Variants in ARHGEF10L observed in about 807,000 individuals in gnomAD.
ARHGEF10L encodes the protein rho guanine nucleotide exchange factor 10-like protein.
ARHGEF10L carries 69 observed loss-of-function variants against 141.2 expected under a neutral mutation model. That is an observed-to-expected ratio of 0.49 (90% confidence interval 0.40 to 0.60). The LOEUF (loss-of-function observed/expected upper bound fraction) is 0.60. Ranked by LOEUF, ARHGEF10L falls within the 20% of genes least tolerant of loss-of-function variation. The pLI, the probability that ARHGEF10L is intolerant of heterozygous loss-of-function variation, is 0.00. For missense variants in ARHGEF10L, 1,482 were observed against 1,734.3 expected (o/e 0.85, Z 2.58); for synonymous variants, 711 against 718.5 (o/e 0.99, Z 0.17).
chr1:17,547,169 GC>G (rs1438786637), intron 1 of ARHGEF10L, among the ~76,000 whole-genome samples: 1 of 152,198 alleles, frequency 6.6e-6, no homozygotes, highest in African/African-American at 2.4e-5. Context: ...CCCAGGGTCT[GC>G]CCACCTCTTG....
chr1:17,555,926 C>T (rs1314568928), intron 1 of ARHGEF10L, among the ~76,000 whole-genome samples: 1 of 152,044 alleles, frequency 6.6e-6, no homozygotes, highest in East Asian at 1.9e-4. Context: ...ATGTCTTGGG[C>T]AGCAGCAGCT....
In ARHGEF10L at chr1:17,595,690, A is replaced by C. The variant is rs554067689; in HGVS notation, c.258-6437A>C. 5.9e-5 allele frequency among the ~76,000 whole-genome samples: 9 copies of C among 152,210 alleles called. No homozygotes were observed. In the South Asian group the frequency reaches 1.9e-3, roughly 32 times the overall value. ...CGGCCACAGAGGGAAGAGGGAACAC[A>C]TGCAGGTGAGGCCCCCGTGCCTGGA... On this transcript the variant is annotated intron_variant, in intron 4 of 28. Coordinates refer to ENST00000361221, the MANE Select transcript of ARHGEF10L (RefSeq NM_018125.4).
intron 27 of ARHGEF10L, 63 bp downstream of exon 27, chr1:17,687,810 G>A (rs2064741968): frequency 2.7e-6 from 4 of 1,487,938 alleles, no homozygotes; most frequent in Non-Finnish European, 3.6e-6. Flanking sequence ...GCCAGGTAGT[G>A]GTGTGACCTG....
At chr1:17,678,960 C>T (rs764298047) in intron 26 of ARHGEF10L, among the ~76,000 whole-genome samples, 6 of 152,282 alleles carry the variant, frequency 3.9e-5, no homozygotes, top group East Asian at 1.9e-4. Flanking sequence ...AAATAGTTAA[C>T]GATCTTTCTA....
At chr1:17,655,813 C>A in intron 23 of ARHGEF10L, 66 bp from the exon 24 acceptor site, 1 of 1,425,992 alleles carries the variant, frequency 7.0e-7, no homozygotes, top group Non-Finnish European at 9.6e-7. Context: ...AAAGCAGGGG[C>A]TGAGGTCCTC....
chr1:17,684,128 C>T (rs533908057), intron 26 of ARHGEF10L, among the ~76,000 whole-genome samples: 18 of 152,294 alleles, frequency 1.2e-4, no homozygotes, highest in Admixed American at 6.5e-4. Flanking sequence ...CACTGCTCGC[C>T]GACAGCAGGT....
At chr1:17,683,696 C>T (rs2064334373) in intron 26 of ARHGEF10L, among the ~76,000 whole-genome samples, 1 of 152,228 alleles carries the variant, frequency 6.6e-6, no homozygotes, top group South Asian at 2.1e-4. Context: ...CCCCCGCCGG[C>T]CTCCCCGCTT....
At chr1:17,667,692 G>A (rs1209646769) in intron 26 of ARHGEF10L, among the ~76,000 whole-genome samples, 5 of 152,218 alleles carry the variant, frequency 3.3e-5, no homozygotes, top group African/African-American at 1.2e-4. Flanking sequence ...GGGCCTGCGA[G>A]AGCAGAGAAG....
rs2059941890 is a variant in ARHGEF10L at position 17,618,669 on chromosome 1, T to A, written c.836-670T>A. 1.7e-5 allele frequency: 10 copies of A among 592,842 alleles called. No homozygotes were observed. In the South Asian group the frequency reaches 2.8e-4, roughly 17 times the overall value. The allele number at this position is 592,842 out of a possible 1,614,324, so 36.7% of individuals were successfully genotyped here. ...GAGCCATTCAGCAGCTGGGATCCCC[T>A]CTCCCGGCACCTGTACCTTGCTCTG... On this transcript the variant is annotated intron_variant, in intron 9 of 28. Coordinates refer to ENST00000361221, the MANE Select transcript of ARHGEF10L (RefSeq NM_018125.4).
chr1:17,691,721 G>A (rs978076189), intron 27 of ARHGEF10L, among the ~76,000 whole-genome samples: 4 of 151,720 alleles, frequency 2.6e-5, no homozygotes, highest in African/African-American at 9.7e-5. Context: ...ATATATGTGT[G>A]TATATATTTA....
Position 17,623,185 on chromosome 1 carries a change from C to T in ARHGEF10L, c.1200+10C>T, listed in dbSNP as rs75914589. 3,748 of 1,609,508 alleles carry T rather than the reference C, an allele frequency of 2.3e-3. 56 individuals are homozygous for T. Among genetic ancestry groups the T allele is most frequent in the African/African-American group, 0.022 (1,645 of 74,656 alleles). The stretch of plus-strand genomic sequence containing the variant: ...CCTCTTCGTGGCCTCGGTAAGTGTC[C>T]CCAAACTTTTTCCCCAGCCCACCAA... On this transcript the variant is annotated intron_variant, in intron 12 of 28. Transcript: ENST00000361221. This position sits in a 1 kb window ranked among gnomAD's most constrained non-coding sequence, Gnocchi z 4.7.
chr1:17,592,123 C>G (rs1215691787), intron 4 of ARHGEF10L, among the ~76,000 whole-genome samples: 1 of 152,168 alleles, frequency 6.6e-6, no homozygotes, highest in African/African-American at 2.4e-5. Flanking sequence ...AAGAGCAGCC[C>G]TGAGTACCCA....
rs141134826 is a variant in ARHGEF10L, at chr1:17,591,586, A to G, written c.257+3107A>G. ...CCACCACGCCGAACTAATTTTTTGT[A>G]TTTTTAGTAGAGATGGGGTTTCATC... On this transcript the variant is annotated intron_variant, in intron 4 of 28. Transcript: ENST00000361221. Among the ~76,000 whole-genome samples, 1,023 of 151,954 alleles carry G rather than the reference A, an allele frequency of 6.7e-3. 13 individuals are homozygous for G. The highest frequency in any genetic ancestry group is 0.023 in the African/African-American group (953 of 41,428).
At chr1:17,513,641 C>T in the ARHGEF10L span, among the ~76,000 whole-genome samples, 2 of 152,228 alleles carry the variant, frequency 1.3e-5, no homozygotes, top group Non-Finnish European at 2.9e-5. Context: ...AGCAATTTCA[C>T]AATCAAAAAT....
chr1:17,647,454 C>T (rs1451474741), intron 21 of ARHGEF10L, among the ~76,000 whole-genome samples: 1 of 152,148 alleles, frequency 6.6e-6, no homozygotes, highest in African/African-American at 2.4e-5. Context: ...GGAAGGGAGT[C>T]CTCATAGGGA....
Position 17,673,869 on chromosome 1 carries a change from C to A in ARHGEF10L, c.3009+9274C>A, listed in dbSNP as rs767017086. 6.6e-6 allele frequency among the ~76,000 whole-genome samples: 1 copy of A among 152,150 alleles called. No homozygotes were observed. The highest frequency in any genetic ancestry group is 1.5e-5 in the Non-Finnish European group (1 of 68,026). On this transcript the variant is annotated intron_variant, in intron 26 of 28. Transcript: ENST00000361221. The surrounding 1 kb of genome is among the most constrained non-coding windows in gnomAD (Gnocchi z 4.1). The stretch of plus-strand genomic sequence containing the variant: ...CTGTGCCTGGTGGGAGGAAGCACCA[C>A]GTGTCAGTTGTTGTGTCATTGTGGT...
chr1:17,546,554 C>T (rs919502302), intron 1 of ARHGEF10L, among the ~76,000 whole-genome samples: 10 of 152,144 alleles, frequency 6.6e-5, no homozygotes, highest in African/African-American at 2.2e-4. Flanking sequence ...GATTTGAACC[C>T]GGCAGGCCCT....
chr1:17,618,284 C>T lies in ARHGEF10L; in HGVS notation c.836-1055C>T. ...CCCACCCCGCCCACAAGCCCAGCGC[C>T]TTCCTGAAGTGACCCTCCCTGCAGA... On this transcript the variant is annotated intron_variant, in intron 9 of 28. Coordinates refer to ENST00000361221, the MANE Select transcript of ARHGEF10L (RefSeq NM_018125.4). 3 of 1,450,246 alleles carry T rather than the reference C, an allele frequency of 2.1e-6. No individual in the cohort carries two copies. The South Asian group carries it at 4.2e-5, about 20-fold the overall frequency. 89.8% of individuals were successfully genotyped at this position (1,450,246 alleles called of 1,614,324 possible).
At chr1:17,528,119 C>T in the ARHGEF10L span, among the ~76,000 whole-genome samples, 2 of 152,080 alleles carry the variant, frequency 1.3e-5, no homozygotes, top group Non-Finnish European at 2.9e-5. Context: ...CTTGGTCTCC[C>T]AAAATGCTAG....
Sources: gnomAD v4.1 joint callset for allele counts (sites outside exome capture counted in the v4.1 genomes callset) on GRCh38, gnomAD v4.1.1 for gene constraint, Gnocchi (gnomAD v3.1) non-coding constraint, MANE v1.5 for transcripts, NCBI Gene and HGNC (gene_info 2026-07-23, HGNC 2026-07-21) for gene names.